Variants in CCAR1 observed in about 807,000 individuals in gnomAD.
The protein encoded by CCAR1 is cell division cycle and apoptosis regulator protein 1.
In CCAR1, 78 loss-of-function variants were observed where a neutral mutation model predicts 163.8. The observed-to-expected ratio is 0.48, with a 90% CI of 0.40 to 0.57. The LOEUF is 0.57. Among genes scored for constraint, CCAR1 ranks in the 20% least tolerant of loss-of-function variants. The probability of loss-of-function intolerance (pLI) is 0.00; values close to 1 mark genes in which losing one functional copy is unlikely to be tolerated. For missense variants in CCAR1, 1,019 were observed against 1,365.2 expected (o/e 0.75, Z 4.00); for synonymous variants, 443 against 460.7 (o/e 0.96, Z 0.49).
At chr10:68,727,319 C>T (rs780040013) in intron 2 of CCAR1, among the ~76,000 whole-genome samples, 9 of 151,898 alleles carry the variant, frequency 5.9e-5, no homozygotes, top group African/African-American at 1.9e-4. Context: ...TCAGACAATC[C>T]GCCCATCGTG....
At chr10:68,721,608 C>A (rs185937903) in intron 1 of CCAR1, 6 of 446,106 alleles carry the variant, frequency 1.3e-5, no homozygotes, top group African/African-American at 1.2e-4. Context: ...CCCCCCGGCC[C>A]GGGACATCGT....
intron 18 of CCAR1, among the ~76,000 whole-genome samples, chr10:68,772,644 G>A (rs2056617439): frequency 6.6e-6 from 1 of 151,810 alleles, no homozygotes; most frequent in Admixed American, 6.6e-5. Context: ...TGTAATCCCA[G>A]CACTTTGGGA....
intron 20 of CCAR1, 56 bp downstream of exon 20, chr10:68,786,274 C>T (rs1589195250): frequency 8.2e-7 from 1 of 1,214,268 alleles, no homozygotes; most frequent in African/African-American, 1.5e-5. Flanking sequence ...ATCATCTAAA[C>T]ATAACACAGT....
chr10:68,727,987 C>CT (rs1190373320), intron 2 of CCAR1, among the ~76,000 whole-genome samples: 1 of 152,078 alleles, frequency 6.6e-6, no homozygotes, highest in East Asian at 1.9e-4. Flanking sequence ...TATAGGCTTG[C>CT]TACCATACCC....
At chr10:68,733,859 TC>T (rs2056073182) in intron 2 of CCAR1, among the ~76,000 whole-genome samples, 1 of 152,118 alleles carries the variant, frequency 6.6e-6, no homozygotes, top group Admixed American at 6.6e-5. Context: ...AGACAAGGTT[TC>T]ACCATGTTGG....
chr10:68,771,144 C>T (rs539403061), intron 17 of CCAR1, 62 bp from the exon 18 acceptor site: 1 of 1,397,176 alleles, frequency 7.2e-7, no homozygotes, highest in East Asian at 2.4e-5. Context: ...TGCTAAATTA[C>T]TCTGCTAGCT....
intron 19 of CCAR1, among the ~76,000 whole-genome samples, chr10:68,783,601 C>CT (rs2056762218): frequency 6.6e-6 from 1 of 152,088 alleles, no homozygotes; most frequent in South Asian, 2.1e-4. Flanking sequence ...AACCCCAACT[C>CT]TACTAAAAAT....
chr10:68,733,353 G>A (rs2056066325), intron 2 of CCAR1, among the ~76,000 whole-genome samples: 1 of 152,150 alleles, frequency 6.6e-6, no homozygotes, highest in Admixed American at 6.6e-5. Context: ...TGAGGTTGCA[G>A]TGAGCCAAGA....
At chr10:68,728,145 A>C (rs2055975382) in intron 2 of CCAR1, among the ~76,000 whole-genome samples, 1 of 152,094 alleles carries the variant, frequency 6.6e-6, no homozygotes, top group Non-Finnish European at 1.5e-5. Context: ...CCTTAGATCA[A>C]TTATTGATTA....
intron 24 of CCAR1, 55 bp from the exon 25 acceptor site, chr10:68,791,152 T>C: frequency 9.4e-7 from 1 of 1,062,636 alleles, no homozygotes; most frequent in Non-Finnish European, 1.4e-6. Context: ...AAAATCAAAG[T>C]AACATTTAAG....
chr10:68,737,993 A>G (rs2056134202), intron 4 of CCAR1, 104 bp downstream of exon 4: 10 of 780,542 alleles, frequency 1.3e-5, no homozygotes, highest in Non-Finnish European at 2.1e-5. Context: ...TTAACATGTG[A>G]TACAAATTTT....
intron 8 of CCAR1, 106 bp downstream of exon 8, chr10:68,747,672 C>G (rs139960975): frequency 3.0e-6 from 3 of 989,160 alleles, no homozygotes; most frequent in African/African-American, 1.6e-5. Flanking sequence ...AAACTTGAAG[C>G]CTAAAAATCC....
At chr10:68,762,513 A>G (rs775979055) in intron 16 of CCAR1, among the ~76,000 whole-genome samples, 4 of 152,206 alleles carry the variant, frequency 2.6e-5, no homozygotes, top group Non-Finnish European at 5.9e-5. Flanking sequence ...TTTTATGTCC[A>G]ATAGAATAAC....
chr10:68,771,448 C>A lies in CCAR1; in HGVS notation c.2538+3C>A. On this transcript the variant is annotated splice_donor_region_variant and intron_variant, in intron 18 of 24. Coordinates refer to ENST00000265872, the MANE Select transcript of CCAR1 (RefSeq NM_018237.4). ...AAGAAGATAGAGATGAAAGGAAGGTCTGTAATAACAACCTGCTTTAGAAGC... is the reference window on the plus strand; with the variant it reads ...AAGAAGATAGAGATGAAAGGAAGGTATGTAATAACAACCTGCTTTAGAAGC... 6.4e-7 allele frequency: 1 copy of A among 1,574,458 alleles called. No homozygotes were observed. Among genetic ancestry groups the A allele is most frequent in the South Asian group, 1.2e-5 (1 of 83,250 alleles).
intron 2 of CCAR1, among the ~76,000 whole-genome samples, chr10:68,730,961 G>A (rs1302313325): frequency 6.6e-6 from 1 of 152,178 alleles, no homozygotes; most frequent in East Asian, 1.9e-4. Context: ...CCAAATTGCT[G>A]GGATTACAAA....
intron 17 of CCAR1, among the ~76,000 whole-genome samples, chr10:68,766,794 G>T (rs1379399471): frequency 6.6e-6 from 1 of 152,042 alleles, no homozygotes; most frequent in Non-Finnish European, 1.5e-5. Flanking sequence ...CAAAGTGCTG[G>T]GATTACAGGC....
intron 4 of CCAR1, 46 bp downstream of exon 4, chr10:68,737,935 T>C: frequency 7.8e-7 from 1 of 1,282,624 alleles, no homozygotes; most frequent in African/African-American, 1.5e-5. Flanking sequence ...AAAATAGCCA[T>C]TTGCTCCAAA....
At chr10:68,768,553 G>T (rs374555065) in intron 17 of CCAR1, among the ~76,000 whole-genome samples, 1 of 152,208 alleles carries the variant, frequency 6.6e-6, no homozygotes, top group Non-Finnish European at 1.5e-5. Flanking sequence ...AGAGGTTGTC[G>T]TGAGCCAAGA....
chr10:68,736,264 A>G (rs2056108677), intron 2 of CCAR1, among the ~76,000 whole-genome samples: 1 of 152,170 alleles, frequency 6.6e-6, no homozygotes, highest in Admixed American at 6.6e-5. Flanking sequence ...TAATATATAT[A>G]AAGTCTTGAT....
Sources: allele counts gnomAD v4.1 joint callset (sites outside exome capture counted in the v4.1 genomes callset), GRCh38; gene constraint gnomAD v4.1.1; transcripts MANE v1.5; gene names NCBI Gene and HGNC (gene_info 2026-07-23, HGNC 2026-07-21).